PRPSAP2: variants seen among roughly 807,000 people sequenced by gnomAD.
The protein encoded by PRPSAP2 is phosphoribosyl pyrophosphate synthetase associated protein 2, also known as phosphoribosyl pyrophosphate synthase-associated protein 2.
Under a neutral mutation model 40.6 loss-of-function variants are expected in PRPSAP2, and 24 were observed. The ratio of observed to expected loss-of-function variants is 0.59; its 90% CI spans 0.43 to 0.83. The LOEUF is 0.83. Among genes scored for constraint, PRPSAP2 ranks in the 40% least tolerant of loss-of-function variants. The pLI, the probability that PRPSAP2 is intolerant of heterozygous loss-of-function variation, is 0.00. For missense variants in PRPSAP2, 292 were observed against 465.6 expected (o/e 0.63, Z 3.43); for synonymous variants, 149 against 164.7 (o/e 0.90, Z 0.73).
intron 10 of PRPSAP2, among the ~76,000 whole-genome samples, chr17:18,926,641 A>G (rs1194196177): frequency 6.6e-6 from 1 of 152,204 alleles, no homozygotes; most frequent in African/African-American, 2.4e-5. Flanking sequence ...GGCAATACAC[A>G]GGGACATCCT....
chr17:18,871,911 T>C (rs2037911875), intron 4 of PRPSAP2, among the ~76,000 whole-genome samples: 2 of 151,972 alleles, frequency 1.3e-5, no homozygotes, highest in Admixed American at 1.3e-4. Context: ...TTGCCCGCCT[T>C]GGCCTCCCAA....
intron 6 of PRPSAP2, among the ~76,000 whole-genome samples, chr17:18,880,575 T>A (rs1164563343): frequency 6.6e-6 from 1 of 151,944 alleles, no homozygotes; most frequent in East Asian, 1.9e-4. Flanking sequence ...ACCTGACTAG[T>A]TTTTTGTATT....
intron 4 of PRPSAP2, 31 bp downstream of exon 4, chr17:18,867,365 C>T (rs1357745933): frequency 6.2e-7 from 1 of 1,608,788 alleles, no homozygotes; most frequent in Admixed American, 1.7e-5. Flanking sequence ...GGAACATTGA[C>T]CTTTTTGTGA....
At chr17:18,923,800 T>C in intron 9 of PRPSAP2, 114 bp from the exon 10 acceptor site, 1 of 952,724 alleles carries the variant, frequency 1.0e-6, no homozygotes, top group Non-Finnish European at 1.5e-6. Context: ...ATTGAGGAAA[T>C]TCCCTTGTAT....
At chr17:18,877,962 C>T in intron 6 of PRPSAP2, 92 bp downstream of exon 6, 1 of 1,353,538 alleles carries the variant, frequency 7.4e-7, no homozygotes, top group Non-Finnish European at 1.0e-6. Flanking sequence ...TGCCCTGTCA[C>T]CTAGGCTGGA....
intron 4 of PRPSAP2, among the ~76,000 whole-genome samples, chr17:18,867,784 T>C (rs2037536869): frequency 6.6e-6 from 1 of 152,192 alleles, no homozygotes; most frequent in South Asian, 2.1e-4. Context: ...AGAAATACTT[T>C]TTGCTAATTG....
intron 7 of PRPSAP2, among the ~76,000 whole-genome samples, chr17:18,886,032 T>C (rs2039118596): frequency 6.6e-6 from 1 of 152,272 alleles, no homozygotes; most frequent in Admixed American, 6.5e-5. Context: ...CTGTATTGCC[T>C]TTTTATAGTA....
chr17:18,920,296 A>G (rs1487852585), intron 9 of PRPSAP2, among the ~76,000 whole-genome samples: 1 of 152,078 alleles, frequency 6.6e-6, no homozygotes, highest in African/African-American at 2.4e-5. Context: ...TTGGGAGTGG[A>G]CTCTGGACTG....
intron 6 of PRPSAP2, among the ~76,000 whole-genome samples, chr17:18,880,418 C>T (rs1297519963): frequency 2.0e-5 from 3 of 151,558 alleles, no homozygotes; most frequent in African/African-American, 4.8e-5. Flanking sequence ...TTTTTTTTCC[C>T]CATGGGTCTC....
chr17:18,892,727 G>GTGTGTT (rs60288281), intron 8 of PRPSAP2, among the ~76,000 whole-genome samples: 6,452 of 126,524 alleles, frequency 0.051, 373 homozygotes, highest in African/African-American at 0.092. Flanking sequence ...GTGTGTGTGT[G>GTGTGTT]TATTTATTTA....
intron 5 of PRPSAP2, among the ~76,000 whole-genome samples, chr17:18,876,308 TA>T (rs772953199): frequency 2.0e-5 from 3 of 152,220 alleles, no homozygotes; most frequent in Non-Finnish European, 4.4e-5. Flanking sequence ...CTGAGTTCAG[TA>T]ATGGAAAGCC....
chr17:18,877,047 G>A (rs2038352690), intron 5 of PRPSAP2, among the ~76,000 whole-genome samples: 1 of 152,170 alleles, frequency 6.6e-6, no homozygotes, highest in African/African-American at 2.4e-5. Context: ...CAAGTCCTGG[G>A]ACGTGAGGCT....
chr17:18,879,479 G>GAGTC (rs112387534), intron 6 of PRPSAP2, among the ~76,000 whole-genome samples: 79,586 of 150,494 alleles, frequency 0.53, 21,233 homozygotes, highest in Middle Eastern at 0.59. Context: ...TTTTATTTTT[G>GAGTC]AGTCTCACCT....
chr17:18,862,906 C>T (rs569507023), intron 1 of PRPSAP2, among the ~76,000 whole-genome samples: 71 of 151,644 alleles, frequency 4.7e-4, no homozygotes, highest in African/African-American at 1.7e-3. Flanking sequence ...CTGCCCACTT[C>T]GCCTCCCAGG....
At chr17:18,881,296 T>C (rs890955824) in intron 6 of PRPSAP2, among the ~76,000 whole-genome samples, 2 of 151,284 alleles carry the variant, frequency 1.3e-5, no homozygotes, top group African/African-American at 4.9e-5. Context: ...AGTGAAGTGG[T>C]GCGATCTCGG....
chr17:18,920,457 G>A (rs1435171132), intron 9 of PRPSAP2, among the ~76,000 whole-genome samples: 2 of 152,112 alleles, frequency 1.3e-5, no homozygotes, highest in African/African-American at 4.8e-5. Context: ...TTTGACTCAA[G>A]TAGTGATCAC....
rs1597484592 is a variant in PRPSAP2 at position 18,858,206 on chromosome 17, C to G, written c.-184C>G. Reference sequence around the variant, plus strand: ...AGAGAGGCCGCCAGGAGACCCGGCGCTTTCTTCCTTCTGCAGCTGAGGCTG... The same window carrying G: ...AGAGAGGCCGCCAGGAGACCCGGCGGTTTCTTCCTTCTGCAGCTGAGGCTG... On this transcript the variant is annotated 5_prime_UTR_variant, in exon 1 of 12. Coordinates refer to ENST00000268835, the MANE Select transcript of PRPSAP2 (RefSeq NM_002767.4). The G allele has an allele frequency of 6.6e-6, 1 of 152,486 alleles. No individual in the cohort carries two copies. Among genetic ancestry groups the G allele is most frequent in the African/African-American group, 2.4e-5 (1 of 41,588 alleles). 9.4% of individuals were successfully genotyped at this position (152,486 alleles called of 1,614,324 possible).
intron 8 of PRPSAP2, among the ~76,000 whole-genome samples, chr17:18,902,882 A>G (rs2040363317): frequency 6.6e-6 from 1 of 150,978 alleles, no homozygotes; most frequent in Non-Finnish European, 1.5e-5. Context: ...AAAAAAAAAA[A>G]AAAAAAAAAA....
At position 18,867,304 on chromosome 17, in the gene PRPSAP2, A is replaced by G; in HGVS notation, c.142A>G (p.Lys48Glu). The change falls in exon 4 of 12, where the codon AAA becomes GAA. Residue 48 changes from lysine to glutamate, a missense_variant. Physicochemically the swap from Lys to Glu is moderately conservative, Grantham distance 56. Transcript: ENST00000268835. Reference protein sequence around the residue: ...IAERLGVEMGKVQVYQEPNRE... With the variant: ...IAERLGVEMGEVQVYQEPNRE... ...TAGGCGGCTAGGGGTGGAGATGGGC[A>G]AAGTGCAGGTTTACCAGGAACCTAA... 6.2e-7 allele frequency: 1 copy of G among 1,614,100 alleles called. No individual in the cohort carries two copies. The highest frequency in any genetic ancestry group is 8.5e-7 in the Non-Finnish European group (1 of 1,180,002).
Sources: allele counts gnomAD v4.1 joint callset (sites outside exome capture counted in the v4.1 genomes callset), GRCh38; gene constraint gnomAD v4.1.1; transcripts MANE v1.5; gene names NCBI Gene and HGNC (gene_info 2026-07-23, HGNC 2026-07-21).